MARCHF10: variants seen among roughly 807,000 people sequenced by gnomAD.
MARCHF10 encodes probable E3 ubiquitin-protein ligase MARCHF10.
A neutral mutation model predicts 76.2 loss-of-function variants in MARCHF10; 64 were observed. The observed-to-expected ratio is 0.84, with a 90% CI of 0.69 to 1.03. The LOEUF (loss-of-function observed/expected upper bound fraction) is 1.03. Among genes scored for constraint, MARCHF10 ranks in the 50% least tolerant of loss-of-function variants. The probability of loss-of-function intolerance (pLI) is 0.00; values close to 1 mark genes in which losing one functional copy is unlikely to be tolerated. For missense variants in MARCHF10, 875 were observed against 958.0 expected (o/e 0.91, Z 1.14); for synonymous variants, 340 against 357.5 (o/e 0.95, Z 0.55).
intron 3 of MARCHF10, among the ~76,000 whole-genome samples, chr17:62,769,509 G>A (rs1164312074): frequency 6.6e-6 from 1 of 152,076 alleles, no homozygotes; most frequent in African/African-American, 2.4e-5. Flanking sequence ...CCTCCGCCCT[G>A]CAGGTTCAAT....
intron 4 of MARCHF10, among the ~76,000 whole-genome samples, chr17:62,745,523 G>C (rs967236276): frequency 6.6e-6 from 1 of 152,168 alleles, no homozygotes; most frequent in Non-Finnish European, 1.5e-5. Context: ...GCTCATCCAG[G>C]TTTGAATCAC....
At chr17:62,765,279 G>C (rs1418445809) in intron 3 of MARCHF10, among the ~76,000 whole-genome samples, 1 of 149,670 alleles carries the variant, frequency 6.7e-6, no homozygotes, top group Non-Finnish European at 1.5e-5. Context: ...TTGAACCCGG[G>C]AGGCAGAGGT....
intron 1 of MARCHF10, among the ~76,000 whole-genome samples, chr17:62,801,976 C>T (rs938666027): frequency 3.9e-5 from 6 of 152,220 alleles, no homozygotes; most frequent in African/African-American, 1.4e-4. Context: ...CTTCATCAAG[C>T]ACTTCAGTGA....
chr17:62,748,125 C>T (rs1018547865), intron 4 of MARCHF10, among the ~76,000 whole-genome samples: 6 of 152,126 alleles, frequency 3.9e-5, no homozygotes, highest in African/African-American at 9.7e-5. Context: ...GGTCCAGGCA[C>T]GGTGGCTCAC....
intron 6 of MARCHF10, among the ~76,000 whole-genome samples, chr17:62,730,824 G>C (rs2090994059): frequency 6.6e-6 from 1 of 152,114 alleles, no homozygotes; most frequent in Non-Finnish European, 1.5e-5. Context: ...AACCCGGGAG[G>C]CGGAGCTTGC....
At chr17:62,710,943 AT>A (rs1245454859) in intron 9 of MARCHF10, among the ~76,000 whole-genome samples, 1 of 151,902 alleles carries the variant, frequency 6.6e-6, no homozygotes, top group African/African-American at 2.4e-5. Context: ...GCTCTCCTCT[AT>A]TTTTGGGGGG....
chr17:62,770,099 TATAAGTGAG>T (rs1384151885), intron 3 of MARCHF10, among the ~76,000 whole-genome samples: 1 of 152,214 alleles, frequency 6.6e-6, no homozygotes, highest in Non-Finnish European at 1.5e-5. Context: ...AGCTCCCACT[TATAAGTGAG>T]AACGTGTGGT....
At chr17:62,714,876 G>C (rs2090114822) in intron 8 of MARCHF10, among the ~76,000 whole-genome samples, 1 of 152,110 alleles carries the variant, frequency 6.6e-6, no homozygotes, top group Non-Finnish European at 1.5e-5. Flanking sequence ...CTCCCGAGTA[G>C]CTGGGATTTC....
intron 8 of MARCHF10, among the ~76,000 whole-genome samples, chr17:62,714,140 A>G (rs940515127): frequency 2.0e-5 from 3 of 152,224 alleles, no homozygotes; most frequent in African/African-American, 7.2e-5. Context: ...CTTCACAGCA[A>G]TGACAGCCTG....
At chr17:62,727,746 C>T (rs755097989) in intron 6 of MARCHF10, among the ~76,000 whole-genome samples, 1 of 152,046 alleles carries the variant, frequency 6.6e-6, no homozygotes, top group African/African-American at 2.4e-5. Flanking sequence ...CTTGGAAAGT[C>T]GATGAAGATA....
At chr17:62,807,580 T>A (rs1332601063) in intron 1 of MARCHF10, among the ~76,000 whole-genome samples, 2 of 151,882 alleles carry the variant, frequency 1.3e-5, no homozygotes, top group South Asian at 2.1e-4. Context: ...CAGAGAAACA[T>A]AACGAGACCC....
At chr17:62,804,550 T>C (rs1473638541) in intron 1 of MARCHF10, among the ~76,000 whole-genome samples, 1 of 152,078 alleles carries the variant, frequency 6.6e-6, no homozygotes, top group Non-Finnish European at 1.5e-5. Flanking sequence ...TTAATAACCT[T>C]GGTGAGAGCA....
At chr17:62,760,076 A>C in intron 3 of MARCHF10, 70 bp from the exon 4 acceptor site, 1 of 1,284,944 alleles carries the variant, frequency 7.8e-7, no homozygotes, top group South Asian at 1.3e-5. Context: ...GAGAAAACAG[A>C]AATGAGGCAA....
chr17:62,704,160 CG>C (rs2089427012), intron 10 of MARCHF10, among the ~76,000 whole-genome samples: 1 of 151,472 alleles, frequency 6.6e-6, no homozygotes, highest in Admixed American at 6.6e-5. Context: ...CCTTCCGGAG[CG>C]GGAGGCCCTC....
intron 9 of MARCHF10, chr17:62,706,450 C>T (rs1358080033): frequency 6.6e-6 from 1 of 152,200 alleles, no homozygotes; most frequent in Non-Finnish European, 1.5e-5. Context: ...ACTCTTGTTC[C>T]ATCAGGAAAC....
At chr17:62,705,268 A>C (rs1033748986) in intron 10 of MARCHF10, 3 of 1,400,658 alleles carry the variant, frequency 2.1e-6, no homozygotes, top group Non-Finnish European at 2.8e-6. Flanking sequence ...AACAAATCTT[A>C]TCTCATGCCG....
intron 4 of MARCHF10, among the ~76,000 whole-genome samples, chr17:62,753,149 G>C (rs1314804218): frequency 2.6e-5 from 4 of 152,116 alleles, no homozygotes; most frequent in Non-Finnish European, 5.9e-5. Flanking sequence ...GCCCAGGCTG[G>C]AGTGTGGAGT....
At chr17:62,721,980 C>T (rs2090510531) in intron 8 of MARCHF10, among the ~76,000 whole-genome samples, 1 of 152,058 alleles carries the variant, frequency 6.6e-6, no homozygotes, top group African/African-American at 2.4e-5. Flanking sequence ...CAACCCAGGA[C>T]AAATAAGACT....
intron 6 of MARCHF10, among the ~76,000 whole-genome samples, chr17:62,733,405 C>T (rs1012544288): frequency 6.6e-6 from 1 of 152,194 alleles, no homozygotes; most frequent in Non-Finnish European, 1.5e-5. Flanking sequence ...AATGCAAACT[C>T]AAGCTACAAT....
Sources: gnomAD v4.1 joint callset for allele counts (sites outside exome capture counted in the v4.1 genomes callset) on GRCh38, gnomAD v4.1.1 for gene constraint, MANE v1.5 for transcripts, NCBI Gene and HGNC (gene_info 2026-07-23, HGNC 2026-07-21) for gene names.